The following HOXC13 variants were observed in gnomAD, a reference collection of about 807,000 sequenced individuals.
The protein encoded by HOXC13 is homeobox protein Hox-C13.
Under a neutral mutation model 25.9 loss-of-function variants are expected in HOXC13, and 10 were observed. The ratio of observed to expected loss-of-function variants is 0.39; its 90% CI spans 0.24 to 0.65. The LOEUF is 0.65. HOXC13 is among the 30% of genes least tolerant of loss of function. The pLI, the probability that HOXC13 is intolerant of heterozygous loss-of-function variation, is 0.50. For missense variants in HOXC13, 439 were observed against 478.3 expected (o/e 0.92, Z 0.77); for synonymous variants, 233 against 217.1 (o/e 1.07, Z -0.64).
At position 53,939,606 on chromosome 12, in the gene HOXC13, T is replaced by TACA; in HGVS notation, c.700_701insACA (p.Ser234delinsTyrThr). 15 of 1,554,600 alleles carry TACA rather than the reference T, an allele frequency of 9.6e-6. No individual in the cohort carries two copies. Among genetic ancestry groups the TACA allele is most frequent in the South Asian group, 4.7e-5 (4 of 84,736 alleles). On this transcript the variant is annotated protein_altering_variant, in exon 1 of 2. Coordinates refer to ENST00000243056, the MANE Select transcript of HOXC13 (RefSeq NM_017410.3). This position sits in a 1 kb window ranked among gnomAD's most constrained non-coding sequence, Gnocchi z 6.7. ...TCAGGTGTACTGCTCCAAGGAGCAG[T>TACA]CGCAGTCCGCCCACCTCTGGAAGTC...
chr12:53,942,802 T>C (rs1413552689), intron 1 of HOXC13, among the ~76,000 whole-genome samples: 2 of 152,160 alleles, frequency 1.3e-5, no homozygotes, highest in Non-Finnish European at 2.9e-5. Flanking sequence ...CCAGGACAAA[T>C]TGGCTAAATC....
Position 53,939,114 on chromosome 12 carries a change from C to G in HOXC13, c.208C>G (p.Arg70Gly). The G allele has an allele frequency of 6.9e-7, 1 of 1,455,010 alleles. No homozygotes were observed. The highest frequency in any genetic ancestry group is 9.0e-7 in the Non-Finnish European group (1 of 1,115,222). The allele number at this position is 1,455,010 out of a possible 1,614,324, so 90.1% of individuals were successfully genotyped here. Residue 70 changes from arginine to glycine, a missense_variant, in exon 1 of 2, where the codon CGC (arginine) becomes GGC (glycine). Physicochemically the swap from Arg to Gly is moderately radical, Grantham distance 125. Coordinates refer to ENST00000243056, the MANE Select transcript of HOXC13 (RefSeq NM_017410.3). The surrounding 1 kb of genome is among the most constrained non-coding windows in gnomAD (Gnocchi z 6.7). Reference sequence around the variant, plus strand: ...CAGCAGCTGCCCGGCCAGCCACTGCCGCGACCTGCTTCCGCACCCCGTGCT... The same window carrying G: ...CAGCAGCTGCCCGGCCAGCCACTGCGGCGACCTGCTTCCGCACCCCGTGCT... ...LGSSCPASHC[R>G]DLLPHPVLGR...
At chr12:53,942,266 G>A (rs1938624989) in intron 1 of HOXC13, among the ~76,000 whole-genome samples, 1 of 147,502 alleles carries the variant, frequency 6.8e-6, no homozygotes, top group Non-Finnish European at 1.5e-5. Context: ...TTAGGAGAGA[G>A]AAAGAGGGAG....
chr12:53,940,921 CG>C, intron 1 of HOXC13, among the ~76,000 whole-genome samples: 1 of 151,778 alleles, frequency 6.6e-6, no homozygotes, highest in East Asian at 1.9e-4. Context: ...CCTCTGCATA[CG>C]GAATTGGAAG....
rs1037345578 is a variant in HOXC13, at chr12:53,946,028, A to G, written c.*772A>G. Reference sequence around the variant, plus strand: ...GGACAAAGACTCCAGCCACGCTGCTAAATAGGGCTCCTCTCTCCTCTCTCT... The same window carrying G: ...GGACAAAGACTCCAGCCACGCTGCTGAATAGGGCTCCTCTCTCCTCTCTCT... On this transcript the variant is annotated 3_prime_UTR_variant, in exon 2 of 2. Coordinates refer to ENST00000243056, the MANE Select transcript of HOXC13 (RefSeq NM_017410.3). 5 of 231,036 alleles carry G rather than the reference A, an allele frequency of 2.2e-5. No individual in the cohort carries two copies. The highest frequency in any genetic ancestry group is 4.3e-5 in the Non-Finnish European group (5 of 116,832). 14.3% of individuals were successfully genotyped at this position (231,036 alleles called of 1,614,324 possible). A position where few individuals can be genotyped will look rare whatever the true frequency, so the allele number is the denominator to read the frequency against.
intron 1 of HOXC13, among the ~76,000 whole-genome samples, chr12:53,943,900 T>A (rs1199766585): frequency 1.3e-5 from 2 of 152,216 alleles, no homozygotes; most frequent in African/African-American, 2.4e-5. Context: ...ATCCAGATAA[T>A]CTCCCTAGTT....
At chr12:53,941,321 A>G (rs902532079) in intron 1 of HOXC13, among the ~76,000 whole-genome samples, 1 of 152,252 alleles carries the variant, frequency 6.6e-6, no homozygotes, top group African/African-American at 2.4e-5. Flanking sequence ...TCCAGCAGGA[A>G]TTCCTGGGGC....
chr12:53,945,238 T>C lies in HOXC13; in HGVS notation c.975T>C (p.Pro325=). 6.2e-7 allele frequency: 1 copy of C among 1,614,016 alleles called. No homozygotes were observed. The highest frequency in any genetic ancestry group is 8.5e-7 in the Non-Finnish European group (1 of 1,179,970). ...AGGTGGTCAGCAAATCGAAAGCGCCTCATCTCCACTCCACCTGACCACCCA... is the reference window on the plus strand; with the variant it reads ...AGGTGGTCAGCAAATCGAAAGCGCCCCATCTCCACTCCACCTGACCACCCA... ...EKKVVSKSKA[P]HLHST The change falls in exon 2 of 2, where the codon CCT becomes CCC. Residue 325 remains proline (P), a synonymous_variant. Transcript: ENST00000243056. This position sits in a 1 kb window ranked among gnomAD's most constrained non-coding sequence, Gnocchi z 4.4.
In HOXC13 at chr12:53,945,337, T is replaced by G. The variant is rs1333580020; in HGVS notation, c.*81T>G. 5.9e-6 allele frequency: 9 copies of G among 1,512,628 alleles called. No homozygotes were observed. The highest frequency in any genetic ancestry group is 8.2e-6 in the Non-Finnish European group (9 of 1,103,050). The allele number at this position is 1,512,628 out of a possible 1,614,324, so 93.7% of individuals were successfully genotyped here. On this transcript the variant is annotated 3_prime_UTR_variant, in exon 2 of 2. Transcript: ENST00000243056. The surrounding 1 kb of genome is among the most constrained non-coding windows in gnomAD (Gnocchi z 4.4). ...AACCCACGGAAAGACGCTGCGCGGG[T>G]GCAGAAGAGTATTTAATGTTAAGGA...
In HOXC13 at chr12:53,939,328, A is replaced by C. The variant is rs1406281112; in HGVS notation, c.422A>C (p.Gln141Pro). Residue 141 changes from glutamine to proline, a missense_variant, in exon 1 of 2, where the codon CAG (glutamine) becomes CCG (proline). Coordinates refer to ENST00000243056, the MANE Select transcript of HOXC13 (RefSeq NM_017410.3). This position sits in a 1 kb window ranked among gnomAD's most constrained non-coding sequence, Gnocchi z 6.7. Reference sequence around the variant, plus strand: ...CGCCTGTCGCACAACGTGAACCTGCAGCAGAAGCCTTGCGCCTACCACCCG... The same window carrying C: ...CGCCTGTCGCACAACGTGAACCTGCCGCAGAAGCCTTGCGCCTACCACCCG... ...GCRLSHNVNL[Q>P]QKPCAYHPGD... is the part of the protein sequence containing the mutation. 6.3e-7 allele frequency: 1 copy of C among 1,596,132 alleles called. No homozygotes were observed. Among genetic ancestry groups the C allele is most frequent in the African/African-American group, 1.3e-5 (1 of 74,700 alleles).
chr12:53,941,970 GCCT>G (rs1938617012), intron 1 of HOXC13, among the ~76,000 whole-genome samples: 1 of 152,180 alleles, frequency 6.6e-6, no homozygotes, highest in East Asian at 1.9e-4. Flanking sequence ...TCTCTACAGT[GCCT>G]CTGGCTCTGA....
At chr12:53,942,021 AT>A (rs1938617319) in intron 1 of HOXC13, among the ~76,000 whole-genome samples, 1 of 151,826 alleles carries the variant, frequency 6.6e-6, no homozygotes, top group Admixed American at 6.6e-5. Context: ...GGTGTGGGAG[AT>A]GGAGGCAATT....
In HOXC13 at chr12:53,945,401, A is replaced by G. The variant is rs530494295; in HGVS notation, c.*145A>G. 1,247 of 941,948 alleles carry G rather than the reference A, an allele frequency of 1.3e-3. 16 individuals are homozygous for G. In the African/African-American group the frequency reaches 0.018, roughly 14 times the overall value. The allele number at this position is 941,948 out of a possible 1,614,324, so 58.3% of individuals were successfully genotyped here. The stretch of plus-strand genomic sequence containing the variant: ...CGCCGCCCGGAGGCAGAGAGGCTCC[A>G]TGGCCGTGCTGCTGGGCCATCCCCA... On this transcript the variant is annotated 3_prime_UTR_variant, in exon 2 of 2. Coordinates refer to ENST00000243056, the MANE Select transcript of HOXC13 (RefSeq NM_017410.3). The surrounding 1 kb of genome is among the most constrained non-coding windows in gnomAD (Gnocchi z 4.4).
rs765963523 is a variant in HOXC13, at chr12:53,945,147, C to T, written c.884C>T (p.Ala295Val). Residue 295 changes from alanine (A) to valine (V), a missense_variant, in exon 2 of 2, where the codon GCC (alanine) becomes GTC (valine). By Grantham distance (64) the Ala-to-Val change is moderately conservative. Coordinates refer to ENST00000243056, the MANE Select transcript of HOXC13 (RefSeq NM_017410.3). The surrounding 1 kb of genome is among the most constrained non-coding windows in gnomAD (Gnocchi z 4.4). ...ITKEKRRRIS[A>V]TTNLSERQVT... ...AAAGAGAAGCGCCGGCGCATCTCCG[C>T]CACCACGAACCTCTCTGAGCGCCAG... 3 of 1,614,064 alleles carry T rather than the reference C, an allele frequency of 1.9e-6. No homozygotes were observed. In the African/African-American group the frequency reaches 4.0e-5, roughly 22 times the overall value.
intron 1 of HOXC13, among the ~76,000 whole-genome samples, chr12:53,944,562 G>A (rs938723928): frequency 6.6e-6 from 1 of 152,166 alleles, no homozygotes; most frequent in Non-Finnish European, 1.5e-5. Context: ...TGCAAGCATG[G>A]CAGGCCAGGC....
chr12:53,944,910 G>A, intron 1 of HOXC13, 90 bp from the exon 2 acceptor site: 2 of 1,551,522 alleles, frequency 1.3e-6, no homozygotes, highest in Non-Finnish European at 1.8e-6. Context: ...TTGAGCCCCT[G>A]CCAGAACTCT....
intron 1 of HOXC13, among the ~76,000 whole-genome samples, chr12:53,940,833 A>G (rs1938599932): frequency 6.6e-6 from 1 of 152,194 alleles, no homozygotes; most frequent in African/African-American, 2.4e-5. Context: ...CTCCCCGACC[A>G]GCTCCACGTG....
chr12:53,941,702 G>A (rs1938612928), intron 1 of HOXC13, among the ~76,000 whole-genome samples: 2 of 152,178 alleles, frequency 1.3e-5, no homozygotes, highest in Admixed American at 1.3e-4. Flanking sequence ...GCAAATTATG[G>A]CATGGAAATG....
Position 53,945,686 on chromosome 12 carries a change from A to C in HOXC13, c.*430A>C. The C allele has an allele frequency of 3.5e-6, 1 of 289,434 alleles. No homozygotes were observed. Among genetic ancestry groups the C allele is most frequent in the South Asian group, 8.9e-5 (1 of 11,264 alleles). 17.9% of individuals were successfully genotyped at this position (289,434 alleles called of 1,614,324 possible). A position where few individuals can be genotyped will look rare whatever the true frequency, so the allele number is the denominator to read the frequency against. On this transcript the variant is annotated 3_prime_UTR_variant, in exon 2 of 2. Coordinates refer to ENST00000243056, the MANE Select transcript of HOXC13 (RefSeq NM_017410.3). This position sits in a 1 kb window ranked among gnomAD's most constrained non-coding sequence, Gnocchi z 4.4. ...TTTAGAGGACCTTCCCTAAGGGCGC[A>C]GCTTCGGAGCAGGATCTGTCCAGCT...
Sources: gnomAD v4.1 joint callset for allele counts (sites outside exome capture counted in the v4.1 genomes callset) on GRCh38, gnomAD v4.1.1 for gene constraint, Gnocchi (gnomAD v3.1) non-coding constraint, MANE v1.5 for transcripts, NCBI Gene and HGNC (gene_info 2026-07-23, HGNC 2026-07-21) for gene names.